SBF2: variants seen among roughly 807,000 people sequenced by gnomAD.
SBF2 encodes SET binding factor 2.
Under a neutral mutation model 225.2 loss-of-function variants are expected in SBF2, and 112 were observed. That is an observed-to-expected ratio of 0.50 (90% CI 0.43 to 0.58). The LOEUF is 0.58. SBF2 is among the 20% of genes least tolerant of loss of function. The pLI, the probability that SBF2 is intolerant of heterozygous loss-of-function variation, is 0.00. For synonymous variants in SBF2, 763 were observed against 773.3 expected (o/e 0.99, Z 0.22); for missense variants, 1,996 against 2,206.2 (o/e 0.90, Z 1.91).
At chr11:10,031,755 G>A (rs925385896) in intron 3 of SBF2, among the ~76,000 whole-genome samples, 2 of 152,106 alleles carry the variant, frequency 1.3e-5, no homozygotes, top group Non-Finnish European at 2.9e-5. Flanking sequence ...CTCTGTTTCC[G>A]TTTTTGAAAC....
chr11:10,039,011 G>A (rs1949551532), intron 3 of SBF2, among the ~76,000 whole-genome samples: 1 of 151,632 alleles, frequency 6.6e-6, no homozygotes, highest in Admixed American at 6.6e-5. Flanking sequence ...GAGTAATTTT[G>A]GGAACATATT....
intron 2 of SBF2, among the ~76,000 whole-genome samples, chr11:10,117,672 G>A (rs1953212394): frequency 6.6e-6 from 1 of 151,952 alleles, no homozygotes; most frequent in Admixed American, 6.6e-5. Flanking sequence ...AGGGGAGATG[G>A]GGAGGATTAA....
At chr11:10,290,272 G>A (rs558278513) in intron 1 of SBF2, among the ~76,000 whole-genome samples, 1 of 152,216 alleles carries the variant, frequency 6.6e-6, no homozygotes, top group South Asian at 2.1e-4. Flanking sequence ...AGGAGTCTGT[G>A]TGGTAGGGGA....
chr11:9,936,715 C>A (rs1319775894), intron 16 of SBF2, among the ~76,000 whole-genome samples: 1 of 152,154 alleles, frequency 6.6e-6, no homozygotes, highest in Admixed American at 6.6e-5. Flanking sequence ...GAAAACCAAA[C>A]ACTGCATGTT....
intron 2 of SBF2, among the ~76,000 whole-genome samples, chr11:10,043,731 T>C (rs749851718): frequency 1.8e-4 from 27 of 152,076 alleles, no homozygotes; most frequent in Non-Finnish European, 3.8e-4. Flanking sequence ...CCTACCAGTA[T>C]ATCTGGCTAA....
intron 1 of SBF2, among the ~76,000 whole-genome samples, chr11:10,260,959 CGTAAGTA>C (rs1162943293): frequency 6.6e-6 from 1 of 151,896 alleles, no homozygotes; most frequent in African/African-American, 2.4e-5. Context: ...AGCACCACTA[CGTAAGTA>C]GTAACAACTC....
chr11:10,001,711 A>C (rs182796819), intron 7 of SBF2, among the ~76,000 whole-genome samples: 202 of 152,004 alleles, frequency 1.3e-3, no homozygotes, highest in African/African-American at 4.5e-3. Flanking sequence ...TTTTTTTAGT[A>C]CAGACGGGGT....
At chr11:9,914,162 A>G (rs887630753) in intron 16 of SBF2, among the ~76,000 whole-genome samples, 12 of 152,236 alleles carry the variant, frequency 7.9e-5, no homozygotes, top group African/African-American at 2.9e-4. Context: ...AGGAATTTAA[A>G]ACAGCTGTGA....
At chr11:9,937,568 T>A (rs930794934) in intron 16 of SBF2, among the ~76,000 whole-genome samples, 1 of 152,196 alleles carries the variant, frequency 6.6e-6, no homozygotes, top group Admixed American at 6.5e-5. Flanking sequence ...AAGACAGTGA[T>A]AATTTTTATC....
At chr11:9,930,600 G>A (rs1280456019) in intron 16 of SBF2, among the ~76,000 whole-genome samples, 1 of 152,196 alleles carries the variant, frequency 6.6e-6, no homozygotes, top group Non-Finnish European at 1.5e-5. Flanking sequence ...GTCTATACAT[G>A]TTAAAAAGTT....
At chr11:10,161,819 T>TAA (rs1565301356) in intron 2 of SBF2, among the ~76,000 whole-genome samples, 1 of 147,134 alleles carries the variant, frequency 6.8e-6, no homozygotes, top group Non-Finnish European at 1.5e-5. Context: ...AAAAAAATAA[T>TAA]AATTAAAAAA....
rs1867100822 is a variant in SBF2 at position 9,968,338 on chromosome 11, T to C, written c.1600+3A>G. The C allele has an allele frequency of 6.2e-7, 1 of 1,613,514 alleles. No individual in the cohort carries two copies. Among genetic ancestry groups the C allele is most frequent in the Non-Finnish European group, 8.5e-7 (1 of 1,179,492 alleles). On this transcript the variant is annotated splice_donor_region_variant and intron_variant, in intron 14 of 39. Coordinates refer to ENST00000256190, the MANE Select transcript of SBF2 (RefSeq NM_030962.4). Reference sequence around the variant, plus strand: ...CTTTTAAAACAGACAGACAAATACATACCAACAGGTGGACCTGCTGGCACA... The same window carrying C: ...CTTTTAAAACAGACAGACAAATACACACCAACAGGTGGACCTGCTGGCACA...
chr11:10,243,580 A>T (rs1365420022), intron 1 of SBF2, among the ~76,000 whole-genome samples: 1 of 152,034 alleles, frequency 6.6e-6, no homozygotes, highest in Non-Finnish European at 1.5e-5. Flanking sequence ...CTAAGAGAAA[A>T]AAAACAAAAG....
chr11:10,127,634 A>G (rs960684033), intron 2 of SBF2, among the ~76,000 whole-genome samples: 5 of 152,140 alleles, frequency 3.3e-5, no homozygotes, highest in African/African-American at 1.2e-4. Flanking sequence ...TCATTTGACT[A>G]CACTTTTTAG....
chr11:9,846,916 A>C, intron 23 of SBF2, 40 bp downstream of exon 23: 1 of 1,612,604 alleles, frequency 6.2e-7, no homozygotes, highest in Non-Finnish European at 8.5e-7. Flanking sequence ...GACTTTTGAA[A>C]ATTTTTGAAT....
intron 1 of SBF2, among the ~76,000 whole-genome samples, chr11:10,233,291 C>T (rs1958929624): frequency 6.6e-6 from 1 of 151,942 alleles, no homozygotes; most frequent in African/African-American, 2.4e-5. Flanking sequence ...AAGATTTCTT[C>T]ACATGTATCA....
intron 17 of SBF2, among the ~76,000 whole-genome samples, chr11:9,876,313 C>A (rs144059101): frequency 4.3e-4 from 65 of 152,306 alleles, no homozygotes; most frequent in African/African-American, 1.4e-3. Context: ...TTTCAAAATG[C>A]CCTCCCTGTT....
chr11:10,192,442 A>G (rs1473014528), intron 2 of SBF2, among the ~76,000 whole-genome samples: 1 of 152,216 alleles, frequency 6.6e-6, no homozygotes, highest in Non-Finnish European at 1.5e-5. Context: ...TTTCAATACA[A>G]AATATCTAAC....
At chr11:9,884,775 G>T (rs763340352) in intron 17 of SBF2, among the ~76,000 whole-genome samples, 27 of 152,114 alleles carry the variant, frequency 1.8e-4, no homozygotes, top group Non-Finnish European at 2.9e-4. Context: ...TCTCCCATGT[G>T]TTTTCTGGGC....
Sources: gnomAD v4.1 joint callset for allele counts (sites outside exome capture counted in the v4.1 genomes callset) on GRCh38, gnomAD v4.1.1 for gene constraint, MANE v1.5 for transcripts, NCBI Gene and HGNC (gene_info 2026-07-23, HGNC 2026-07-21) for gene names.